Variants in ZNF76 observed in about 807,000 individuals in gnomAD.
The protein encoded by ZNF76 is zinc finger protein 523.
In ZNF76, 66 loss-of-function variants were observed where a neutral mutation model predicts 66.9. That is an observed-to-expected ratio of 0.99 (90% CI 0.81 to 1.21). The LOEUF is 1.21. ZNF76 is among the 50% of genes most tolerant of loss of function. The pLI is 0.00. For synonymous variants in ZNF76, 275 were observed against 296.1 expected (o/e 0.93, Z 0.73); for missense variants, 729 against 760.3 (o/e 0.96, Z 0.48).
chr6:35,294,120 A>C, intron 12 of ZNF76: 1 of 631,418 alleles, frequency 1.6e-6, no homozygotes, highest in Non-Finnish European at 2.7e-6. Context: ...CACTTTCTAA[A>C]TCTCAATTCA....
chr6:35,261,312 A>C (rs1581995128), intron 1 of ZNF76, among the ~76,000 whole-genome samples: 1 of 152,140 alleles, frequency 6.6e-6, no homozygotes, highest in African/African-American at 2.4e-5. Context: ...TGTTGCTACT[A>C]CTGACATCTT....
chr6:35,284,474 C>T (rs1789252660), intron 2 of ZNF76, among the ~76,000 whole-genome samples: 1 of 151,874 alleles, frequency 6.6e-6, no homozygotes, highest in East Asian at 1.9e-4. Context: ...TCTCAGCTCA[C>T]TGCAACCTCC....
At chr6:35,278,062 T>TA in intron 1 of ZNF76, among the ~76,000 whole-genome samples, 1 of 152,328 alleles carries the variant, frequency 6.6e-6, no homozygotes, top group East Asian at 1.9e-4. Context: ...TTCACCCTGT[T>TA]AGTCAGGATG....
chr6:35,274,032 G>T (rs1787533453), intron 1 of ZNF76, among the ~76,000 whole-genome samples: 1 of 152,158 alleles, frequency 6.6e-6, no homozygotes, highest in South Asian at 2.1e-4. Context: ...GTGTAGTGAA[G>T]TATTTTTCTA....
Position 35,287,052 on chromosome 6 carries a change from G to T in ZNF76, c.233-594G>T, listed in dbSNP as rs1184515276. 6.6e-6 allele frequency among the ~76,000 whole-genome samples: 1 copy of T among 152,116 alleles called. No individual in the cohort carries two copies. The highest frequency in any genetic ancestry group is 2.4e-5 in the African/African-American group (1 of 41,400). ...ATGGCAGGGAGGGTTCAGTACTTCA[G>T]GCAGAAGGAATAGCATGTGCAGGCC... On this transcript the variant is annotated intron_variant, in intron 4 of 13. Coordinates refer to ENST00000373953, the MANE Select transcript of ZNF76 (RefSeq NM_003427.5). This position sits in a 1 kb window ranked among gnomAD's most constrained non-coding sequence, Gnocchi z 4.0.
chr6:35,290,580 A>C, intron 6 of ZNF76, 61 bp from the exon 7 acceptor site: 2 of 1,597,930 alleles, frequency 1.3e-6, no homozygotes, highest in Non-Finnish European at 1.7e-6. Context: ...TCCTAAAGAA[A>C]ACCAAAGAGC....
At chr6:35,289,711 C>A (rs937339472) in intron 5 of ZNF76, among the ~76,000 whole-genome samples, 10 of 152,286 alleles carry the variant, frequency 6.6e-5, no homozygotes, top group South Asian at 6.2e-4. Context: ...AACTGCAGCA[C>A]TCCCCTGGGT....
intron 2 of ZNF76, among the ~76,000 whole-genome samples, chr6:35,284,193 G>A (rs1789193074): frequency 6.6e-6 from 1 of 151,834 alleles, no homozygotes; most frequent in Admixed American, 6.6e-5. Context: ...CCGGGTTCAA[G>A]CGATTCTCCT....
In ZNF76 at chr6:35,290,354, GTC is replaced by G. The variant is rs1790188072; in HGVS notation, c.525_526del (p.Tyr176HisfsTer10). 5 of 1,614,148 alleles carry G rather than the reference GTC, an allele frequency of 3.1e-6. No homozygotes were observed. Among genetic ancestry groups the G allele is most frequent in the South Asian group, 1.1e-5 (1 of 91,084 alleles). ...CGCTGTGGCTACAAGGGCTGTGGGC[GTC>G]TCTACACCACCGCTCATCACTTAAA... On this transcript the variant is annotated frameshift_variant, in exon 6 of 14. Coordinates refer to ENST00000373953, the MANE Select transcript of ZNF76 (RefSeq NM_003427.5). LOFTEE classifies it high-confidence loss of function.
intron 1 of ZNF76, among the ~76,000 whole-genome samples, chr6:35,270,197 T>C (rs552250744): frequency 6.6e-6 from 1 of 152,278 alleles, no homozygotes; most frequent in South Asian, 2.1e-4. Flanking sequence ...AATGCAGTGG[T>C]GCAATCTTGG....
In ZNF76 at chr6:35,291,603, TCAC is replaced by T; in HGVS notation, c.801_803del (p.Thr268del). The T allele has an allele frequency of 1.2e-6, 2 of 1,614,040 alleles. No homozygotes were observed. The highest frequency in any genetic ancestry group is 1.7e-6 in the Non-Finnish European group (2 of 1,179,928). On this transcript the variant is annotated inframe_deletion, in exon 9 of 14. Transcript: ENST00000373953. Reference sequence around the variant, plus strand: ...CCTTTTGAGGGCTGTGGCCGCTCCTTCACCACATCTAACATCCGCAAGGTACAT... The same window carrying T: ...CCTTTTGAGGGCTGTGGCCGCTCCTTCACATCTAACATCCGCAAGGTACAT...
intron 13 of ZNF76, chr6:35,294,845 T>C (rs1310229405): frequency 8.8e-6 from 5 of 568,708 alleles, no homozygotes; most frequent in Non-Finnish European, 1.6e-5. Context: ...TGTTTCTTCA[T>C]CTGGAAATGA....
chr6:35,265,711 A>G (rs1470300543), intron 1 of ZNF76, among the ~76,000 whole-genome samples: 1 of 152,140 alleles, frequency 6.6e-6, no homozygotes, highest in Non-Finnish European at 1.5e-5. Flanking sequence ...GCCCTGAGGC[A>G]GGAATGTGCC....
rs769481275 is a variant in ZNF76 at position 35,287,937 on chromosome 6, C to T, written c.432+92C>T. 1 of 1,400,010 alleles carries T rather than the reference C, an allele frequency of 7.1e-7. No individual in the cohort carries two copies. Among genetic ancestry groups the T allele is most frequent in the South Asian group, 1.2e-5 (1 of 81,030 alleles). 86.7% of individuals were successfully genotyped at this position (1,400,010 alleles called of 1,614,324 possible). A position where few individuals can be genotyped will look rare whatever the true frequency, so the allele number is the denominator to read the frequency against. The stretch of plus-strand genomic sequence containing the variant: ...TTGGCCCTGCCAGAACTTCACCTCT[C>T]AAGAGGACAAGGGCAGCCCTGTGCT... On this transcript the variant is annotated intron_variant, in intron 5 of 13. Transcript: ENST00000373953. This position sits in a 1 kb window ranked among gnomAD's most constrained non-coding sequence, Gnocchi z 4.0.
At chr6:35,273,722 CAAA>C (rs35149897) in intron 1 of ZNF76, among the ~76,000 whole-genome samples, 12 of 130,140 alleles carry the variant, frequency 9.2e-5, no homozygotes, top group African/African-American at 1.8e-4. Flanking sequence ...CTCCATCTCA[CAAA>C]AAAAAAAAAA....
chr6:35,273,177 A>C (rs1582070620), intron 1 of ZNF76, among the ~76,000 whole-genome samples: 1 of 151,164 alleles, frequency 6.6e-6, no homozygotes, highest in Non-Finnish European at 1.5e-5. Context: ...AAAAAACAAA[A>C]AACAAAAAAA....
Position 35,281,229 on chromosome 6 carries a change from G to C in ZNF76, c.73+5G>C. ...ACGTCCAGCAAGCTGTCAAAGGTAA[G>C]TATTTCTGGGGACCTCAGGATCCTG... On this transcript the variant is annotated splice_donor_5th_base_variant and intron_variant, in intron 2 of 13. Coordinates refer to ENST00000373953, the MANE Select transcript of ZNF76 (RefSeq NM_003427.5). 1 of 1,613,238 alleles carries C rather than the reference G, an allele frequency of 6.2e-7. No individual in the cohort carries two copies. The highest frequency in any genetic ancestry group is 1.1e-5 in the South Asian group (1 of 91,032).
At chr6:35,294,604 G>C (rs115211384) in intron 13 of ZNF76, 35 bp downstream of exon 13, 2 of 1,426,266 alleles carry the variant, frequency 1.4e-6, no homozygotes, top group African/African-American at 2.8e-5. Context: ...GGGATCCCAC[G>C]GCCAGAGAAG....
chr6:35,278,168 GT>G (rs1275548674), intron 1 of ZNF76, among the ~76,000 whole-genome samples: 1 of 150,750 alleles, frequency 6.6e-6, no homozygotes, highest in Admixed American at 6.6e-5. Context: ...TTTTTGTTTT[GT>G]TTTTTTCTTT....
Sources: allele counts gnomAD v4.1 joint callset (sites outside exome capture counted in the v4.1 genomes callset), GRCh38; gene constraint gnomAD v4.1.1; non-coding constraint Gnocchi (gnomAD v3.1); transcripts MANE v1.5; gene names NCBI Gene and HGNC (gene_info 2026-07-23, HGNC 2026-07-21).